TSPAN18: variants seen among roughly 807,000 people sequenced by gnomAD.
TSPAN18 encodes tetraspanin 18.
A neutral mutation model predicts 27.3 loss-of-function variants in TSPAN18; 14 were observed. The observed-to-expected ratio is 0.51, with a 90% CI of 0.34 to 0.80. The LOEUF is 0.80. Ranked by LOEUF, TSPAN18 falls within the 30% of genes least tolerant of loss-of-function variation. TSPAN18 has a pLI of 0.01. For synonymous variants in TSPAN18, 143 were observed against 136.5 expected (o/e 1.05, Z -0.33); for missense variants, 268 against 323.9 (o/e 0.83, Z 1.32).
chr11:44,789,957 G>T (rs539879248), intron 2 of TSPAN18, among the ~76,000 whole-genome samples: 1 of 152,308 alleles, frequency 6.6e-6, no homozygotes, highest in Admixed American at 6.5e-5. Flanking sequence ...TTCTGAGTGC[G>T]TTAGGGGCAT....
At chr11:44,841,532 G>A (rs1364069436) in intron 2 of TSPAN18, among the ~76,000 whole-genome samples, 3 of 150,816 alleles carry the variant, frequency 2.0e-5, no homozygotes, top group Admixed American at 1.3e-4. Context: ...AAAAAAGACT[G>A]CATGTTGTAA....
rs1859640552 is a variant in TSPAN18 at position 44,909,823 on chromosome 11, TG to T, written c.188del (p.Gly63AlafsTer30). ...ACGGGCGCCTACATCCTCCTGGCCATGGGGGGCCTGCTCTTTCTGCTCGGCT... is the reference window on the plus strand; with the variant it reads ...ACGGGCGCCTACATCCTCCTGGCCATGGGGGCCTGCTCTTTCTGCTCGGCT... Reference protein sequence around the residue: ...LLTGAYILLAMGGLLFLLGFL... With the variant: ...LLTGAYILLAXGGLLFLLGFL... On this transcript the variant is annotated frameshift_variant, in exon 5 of 10. Coordinates refer to ENST00000520358, the MANE Select transcript of TSPAN18 (RefSeq NM_130783.5). LOFTEE classifies it high-confidence loss of function. The T allele has an allele frequency of 1.2e-6, 2 of 1,613,860 alleles. No homozygotes were observed.
chr11:44,756,687 T>C (rs968164165), intron 1 of TSPAN18, among the ~76,000 whole-genome samples: 1 of 152,234 alleles, frequency 6.6e-6, no homozygotes, highest in Non-Finnish European at 1.5e-5. Context: ...TGTGACTGGC[T>C]TTCTAAAATT....
At chr11:44,769,907 A>T (rs183979064) in intron 2 of TSPAN18, among the ~76,000 whole-genome samples, 1 of 152,054 alleles carries the variant, frequency 6.6e-6, no homozygotes, top group Non-Finnish European at 1.5e-5. Context: ...TCTGAAGGCT[A>T]TGTTTTAATC....
At chr11:44,844,538 G>A (rs968385832) in intron 2 of TSPAN18, among the ~76,000 whole-genome samples, 1 of 152,212 alleles carries the variant, frequency 6.6e-6, no homozygotes. Context: ...TGGTGGGTCT[G>A]TAGTGATACC....
chr11:44,846,144 C>T (rs1857475412), intron 2 of TSPAN18, among the ~76,000 whole-genome samples: 1 of 152,226 alleles, frequency 6.6e-6, no homozygotes, highest in South Asian at 2.1e-4. Flanking sequence ...CGGTGGGTCT[C>T]ATTATTCCCA....
At position 44,929,440 on chromosome 11, in the gene TSPAN18, C is replaced by G; in HGVS notation, c.*262C>G. 1.9e-6 allele frequency: 1 copy of G among 524,958 alleles called. No homozygotes were observed. The highest frequency in any genetic ancestry group is 3.4e-6 in the Non-Finnish European group (1 of 295,558). 32.5% of individuals were successfully genotyped at this position (524,958 alleles called of 1,614,324 possible). ...AGACCCCAGCAACTGGCCCAGGATG[C>G]AGGCTGCTCTAGAGACCAAAGGAAC... is the stretch of plus-strand genomic sequence containing the variant. On this transcript the variant is annotated 3_prime_UTR_variant, in exon 10 of 10. Transcript: ENST00000520358.
intron 1 of TSPAN18, among the ~76,000 whole-genome samples, chr11:44,747,584 G>A (rs973031906): frequency 2.0e-5 from 3 of 152,250 alleles, no homozygotes; most frequent in African/African-American, 4.8e-5. Flanking sequence ...CATTTGGGTC[G>A]ACTTTGGTAT....
intron 3 of TSPAN18, among the ~76,000 whole-genome samples, chr11:44,869,171 G>A (rs1222921164): frequency 2.0e-5 from 3 of 152,216 alleles, no homozygotes; most frequent in African/African-American, 4.8e-5. Flanking sequence ...GGCCGGGAGG[G>A]ATTTTAAGGT....
At position 44,765,243 on chromosome 11, in the gene TSPAN18, T is replaced by A. The variant is rs183431246; in HGVS notation, c.-153+731T>A. 1.8e-3 allele frequency among the ~76,000 whole-genome samples: 280 copies of A among 152,310 alleles called. 3 individuals carry two copies. The highest frequency in any genetic ancestry group is 6.5e-3 in the African/African-American group (271 of 41,564). ...GCAACTTGAATCTCTGTTCCAGCACTCACGCCCTCCATTTCTGGGATTCCA... is the reference window on the plus strand; with the variant it reads ...GCAACTTGAATCTCTGTTCCAGCACACACGCCCTCCATTTCTGGGATTCCA... On this transcript the variant is annotated intron_variant, in intron 2 of 9. Coordinates refer to ENST00000520358, the MANE Select transcript of TSPAN18 (RefSeq NM_130783.5).
At position 44,800,006 on chromosome 11, in the gene TSPAN18, GTT is replaced by G. The variant is rs60067559; in HGVS notation, c.-153+35515_-153+35516del. On this transcript the variant is annotated intron_variant, in intron 2 of 9. Coordinates refer to ENST00000520358, the MANE Select transcript of TSPAN18 (RefSeq NM_130783.5). ...CCACCACACCCGGCTAATTTTTTGT[GTT>G]TTTTTTTTTTTTTTTTTTTTGTATT... 9.6e-3 allele frequency among the ~76,000 whole-genome samples: 1,046 copies of G among 109,350 alleles called. 11 individuals carry two copies. The highest frequency in any genetic ancestry group is 0.029 in the African/African-American group (808 of 27,860). The allele number at this position is 109,350 out of a possible 152,430, so 71.7% of individuals were successfully genotyped here.
At chr11:44,873,651 C>T (rs1809129) in intron 3 of TSPAN18, among the ~76,000 whole-genome samples, 34,925 of 152,188 alleles carry the variant, frequency 0.23, 4,881 homozygotes, top group Non-Finnish European at 0.33. Flanking sequence ...GAGGGGTCTG[C>T]ACTCCTTAGG....
rs368411874 is a variant in TSPAN18, at chr11:44,777,404, G to C, written c.-153+12892G>C. 3.1e-4 allele frequency among the ~76,000 whole-genome samples: 47 copies of C among 152,244 alleles called. No individual in the cohort carries two copies. In the South Asian group the frequency reaches 9.7e-3, roughly 32 times the overall value. ...CCTCCTGGGTCCTGCAAGCAACTCT[G>C]CTTCAGCTCCCGGTCACCAGCACCT... On this transcript the variant is annotated intron_variant, in intron 2 of 9. Transcript: ENST00000520358.
intron 1 of TSPAN18, among the ~76,000 whole-genome samples, chr11:44,741,059 G>A (rs1340446211): frequency 1.3e-5 from 2 of 152,176 alleles, no homozygotes; most frequent in Non-Finnish European, 1.5e-5. Context: ...GAGCCTCTGG[G>A]TCTCCCCTGA....
At chr11:44,803,218 A>T (rs1377125386) in intron 2 of TSPAN18, among the ~76,000 whole-genome samples, 1 of 152,146 alleles carries the variant, frequency 6.6e-6, no homozygotes, top group African/African-American at 2.4e-5. Context: ...TCAGAAGACA[A>T]GTCGACAGAG....
intron 3 of TSPAN18, among the ~76,000 whole-genome samples, chr11:44,901,933 C>T (rs887866390): frequency 6.6e-6 from 1 of 152,190 alleles, no homozygotes. Context: ...GTCAGTTCTG[C>T]GGAGTTGGCA....
chr11:44,787,161 A>T (rs1402637366), intron 2 of TSPAN18, among the ~76,000 whole-genome samples: 1 of 152,380 alleles, frequency 6.6e-6, no homozygotes, highest in South Asian at 2.1e-4. Flanking sequence ...CTTGAAAAAC[A>T]GTGATCTAAG....
chr11:44,909,772 T>G lies in TSPAN18; in HGVS notation c.131T>G (p.Ile44Ser), dbSNP rs1859637883. The part of the protein sequence containing the change: ...VMVDPTGFRE[I>S]VAANPLLLTG... The stretch of plus-strand genomic sequence containing the variant: ...GTGGACCCCACCGGCTTCCGGGAGA[T>G]CGTGGCTGCCAATCCTCTGCTCCTC... The change falls in exon 5 of 10, where the codon ATC becomes AGC. Residue 44 changes from isoleucine (I) to serine (S), a missense_variant. Transcript: ENST00000520358. 1 of 1,613,856 alleles carries G rather than the reference T, an allele frequency of 6.2e-7. No individual in the cohort carries two copies. Among genetic ancestry groups the G allele is most frequent in the South Asian group, 1.1e-5 (1 of 91,058 alleles).
chr11:44,822,541 C>CCCAA (rs1479430310), intron 2 of TSPAN18, among the ~76,000 whole-genome samples: 226 of 151,512 alleles, frequency 1.5e-3, no homozygotes, highest in African/African-American at 5.2e-3. Context: ...GTGACTTGGG[C>CCCAA]GTCACTTCCA....
Sources: gnomAD v4.1 joint callset for allele counts (sites outside exome capture counted in the v4.1 genomes callset) on GRCh38, gnomAD v4.1.1 for gene constraint, MANE v1.5 for transcripts, NCBI Gene and HGNC (gene_info 2026-07-23, HGNC 2026-07-21) for gene names.